Variants in CYB5R4 observed in about 807,000 individuals in gnomAD.
CYB5R4 encodes cytochrome b5 reductase 4.
In CYB5R4, 55 loss-of-function variants were observed where a neutral mutation model predicts 70.2. The ratio of observed to expected loss-of-function variants is 0.78; its 90% CI spans 0.63 to 0.98. The LOEUF is 0.98. CYB5R4 is among the 50% of genes least tolerant of loss of function. The pLI is 0.00. For missense variants in CYB5R4, 562 were observed against 612.6 expected (o/e 0.92, Z 0.87); for synonymous variants, 197 against 199.5 (o/e 0.99, Z 0.11).
At chr6:83,902,981 G>A (rs959522147) in intron 3 of CYB5R4, among the ~76,000 whole-genome samples, 1 of 152,000 alleles carries the variant, frequency 6.6e-6, no homozygotes, top group African/African-American at 2.4e-5. Context: ...GGGACAGTTT[G>A]ACTTTCTCTT....
At position 83,960,836 on chromosome 6, in the gene CYB5R4, T is replaced by A. The variant is rs2099473219; in HGVS notation, c.*958T>A. On this transcript the variant is annotated 3_prime_UTR_variant, in exon 16 of 16. Transcript: ENST00000369681. ...TCTTGCATGTGGGCAACTTATTTTC[T>A]CTTCCTGCTGCTTTGTGCAACTGTC... 6.6e-6 allele frequency: 1 copy of A among 152,234 alleles called. No homozygotes were observed. Among genetic ancestry groups the A allele is most frequent in the Admixed American group, 6.5e-5 (1 of 15,278 alleles). 9.4% of individuals were successfully genotyped at this position (152,234 alleles called of 1,614,324 possible).
intron 15 of CYB5R4, among the ~76,000 whole-genome samples, chr6:83,956,681 T>C (rs560609129): frequency 4.5e-4 from 68 of 152,176 alleles, no homozygotes; most frequent in African/African-American, 1.4e-3. Context: ...ATGCAAATTT[T>C]CCCCCACAAA....
chr6:83,885,686 G>A (rs572283141), intron 2 of CYB5R4, among the ~76,000 whole-genome samples: 73 of 152,094 alleles, frequency 4.8e-4, no homozygotes, highest in African/African-American at 1.6e-3. Context: ...TTCTGAATTC[G>A]GTCTTCTGAG....
At position 83,914,434 on chromosome 6, in the gene CYB5R4, A is replaced by C. The variant is rs2099465173; in HGVS notation, c.431A>C (p.Lys144Thr). Reference protein sequence around the residue: ...AVLKDYREEEKKVLNGMLPKS... With the variant: ...AVLKDYREEETKVLNGMLPKS... Reference sequence around the variant, plus strand: ...TATACAGACTATCGTGAGGAGGAAAAGAAAGTCTTAAATGGTAAGTCTATA... The same window carrying C: ...TATACAGACTATCGTGAGGAGGAAACGAAAGTCTTAAATGGTAAGTCTATA... The change falls in exon 5 of 16, where the codon AAG becomes ACG. Residue 144 changes from lysine (K) to threonine (T), a missense_variant. Coordinates refer to ENST00000369681, the MANE Select transcript of CYB5R4 (RefSeq NM_016230.4). 6.5e-7 allele frequency: 1 copy of C among 1,529,852 alleles called. No homozygotes were observed. The highest frequency in any genetic ancestry group is 8.9e-7 in the Non-Finnish European group (1 of 1,123,390). 94.8% of individuals were successfully genotyped at this position (1,529,852 alleles called of 1,614,324 possible).
rs1232787876 is a variant in CYB5R4 at position 83,962,443 on chromosome 6, TGAA to T, written c.*2572_*2574del. 3 of 152,224 alleles carry T rather than the reference TGAA, an allele frequency of 2.0e-5. No individual in the cohort carries two copies. The highest frequency in any genetic ancestry group is 3.8e-4 in the East Asian group (2 of 5,206). 9.4% of individuals were successfully genotyped at this position (152,224 alleles called of 1,614,324 possible). A position where few individuals can be genotyped will look rare whatever the true frequency, so the allele number is the denominator to read the frequency against. Reference sequence around the variant, plus strand: ...AGACTCCTACATCACATATTTGCAGTGAAGAAGAATTACGCTCAAAGTCACATT... The same window carrying T: ...AGACTCCTACATCACATATTTGCAGTGAAGAATTACGCTCAAAGTCACATT... On this transcript the variant is annotated 3_prime_UTR_variant, in exon 16 of 16. Coordinates refer to ENST00000369681, the MANE Select transcript of CYB5R4 (RefSeq NM_016230.4).
chr6:83,891,251 C>T (rs1214055777), intron 2 of CYB5R4, among the ~76,000 whole-genome samples: 1 of 152,192 alleles, frequency 6.6e-6, no homozygotes, highest in Non-Finnish European at 1.5e-5. Flanking sequence ...CTGGCCTAAA[C>T]ATAACTTTCA....
chr6:83,915,489 T>C (rs1213410923), intron 5 of CYB5R4, among the ~76,000 whole-genome samples: 1 of 152,212 alleles, frequency 6.6e-6, no homozygotes, highest in Admixed American at 6.5e-5. Flanking sequence ...TCTGTGGCAC[T>C]ACAAAAGCAA....
At chr6:83,949,337 A>C (rs1220222464) in intron 14 of CYB5R4, among the ~76,000 whole-genome samples, 1 of 152,106 alleles carries the variant, frequency 6.6e-6, no homozygotes, top group Non-Finnish European at 1.5e-5. Flanking sequence ...AAGGAAAGTA[A>C]AAGTTAAGAT....
At chr6:83,862,434 A>C (rs961306941) in intron 1 of CYB5R4, among the ~76,000 whole-genome samples, 14 of 152,222 alleles carry the variant, frequency 9.2e-5, no homozygotes, top group African/African-American at 3.4e-4. Flanking sequence ...ATGACCACTA[A>C]GGAGTTGAGG....
chr6:83,901,743 A>G (rs897432876), intron 3 of CYB5R4, among the ~76,000 whole-genome samples: 1 of 150,652 alleles, frequency 6.6e-6, no homozygotes, highest in African/African-American at 2.5e-5. Context: ...CTGGGATAGG[A>G]TGATGTCTAA....
intron 3 of CYB5R4, among the ~76,000 whole-genome samples, chr6:83,905,076 A>G (rs1194807082): frequency 1.3e-5 from 2 of 150,926 alleles, no homozygotes; most frequent in Non-Finnish European, 2.9e-5. Context: ...TTGTTTTGAG[A>G]TAGAATCTCA....
intron 15 of CYB5R4, 140 bp downstream of exon 15, chr6:83,955,602 AAT>A (rs1212588998): frequency 1.2e-6 from 1 of 828,160 alleles, no homozygotes; most frequent in Non-Finnish European, 1.8e-6. Context: ...AAAGTCTTTA[AAT>A]CTTCGTATAG....
At chr6:83,924,756 T>C (rs1255108974) in intron 10 of CYB5R4, among the ~76,000 whole-genome samples, 164 bp downstream of exon 10, 2 of 152,196 alleles carry the variant, frequency 1.3e-5, no homozygotes, top group Non-Finnish European at 1.5e-5. Flanking sequence ...TGCTTTTTTT[T>C]CCCATAGAAG....
At chr6:83,957,622 CAAAAAAAAA>C (rs34196225) in intron 15 of CYB5R4, among the ~76,000 whole-genome samples, 1 of 66,948 alleles carries the variant, frequency 1.5e-5, no homozygotes, top group African/African-American at 4.8e-5. Context: ...AACTCTGTCT[CAAAAAAAAA>C]AAAAAAAAAA....
chr6:83,888,737 C>A (rs2099460641), intron 2 of CYB5R4, among the ~76,000 whole-genome samples: 1 of 152,128 alleles, frequency 6.6e-6, no homozygotes, highest in Non-Finnish European at 1.5e-5. Flanking sequence ...GTATATCTCT[C>A]ACTTCAAATA....
intron 11 of CYB5R4, among the ~76,000 whole-genome samples, 196 bp downstream of exon 11, chr6:83,934,931 A>C (rs544128341): frequency 6.6e-6 from 1 of 152,332 alleles, no homozygotes; most frequent in South Asian, 2.1e-4. Context: ...CCACATTATC[A>C]TATGGAACAA....
chr6:83,956,571 G>T (rs2099472459), intron 15 of CYB5R4, among the ~76,000 whole-genome samples: 1 of 152,066 alleles, frequency 6.6e-6, no homozygotes, highest in African/African-American at 2.4e-5. Context: ...AATGTTTCCT[G>T]TTCAGACCTT....
chr6:83,925,588 G>T (rs1435278296), intron 10 of CYB5R4, among the ~76,000 whole-genome samples: 1 of 152,066 alleles, frequency 6.6e-6, no homozygotes, highest in Admixed American at 6.5e-5. Context: ...TTGGAAATTG[G>T]TAGTATTTGC....
chr6:83,914,269 C>T (rs924748661), intron 4 of CYB5R4, 147 bp from the exon 5 acceptor site: 1 of 772,570 alleles, frequency 1.3e-6, no homozygotes. Flanking sequence ...AAGGCCGTTT[C>T]TATATTGGCC....
Sources: gnomAD v4.1 joint callset for allele counts (sites outside exome capture counted in the v4.1 genomes callset) on GRCh38, gnomAD v4.1.1 for gene constraint, MANE v1.5 for transcripts, NCBI Gene and HGNC (gene_info 2026-07-23, HGNC 2026-07-21) for gene names.